Variants in ITGA1 observed in about 807,000 individuals in gnomAD.
ITGA1 encodes integrin subunit alpha 1.
In ITGA1, 85 loss-of-function variants were observed where a neutral mutation model predicts 145.9. That is an observed-to-expected ratio of 0.58 (90% CI 0.49 to 0.70). The LOEUF (loss-of-function observed/expected upper bound fraction) is 0.70, where lower values mean the gene tolerates loss of function less well. ITGA1 is among the 30% of genes least tolerant of loss of function. The pLI, the probability that ITGA1 is intolerant of heterozygous loss-of-function variation, is 0.00. For missense variants in ITGA1, 1,351 were observed against 1,418.7 expected (o/e 0.95, Z 0.77); for synonymous variants, 520 against 495.3 (o/e 1.05, Z -0.66).
chr5:52,949,154 C>G (rs7717360), intron 28 of ITGA1, among the ~76,000 whole-genome samples: 14,300 of 152,088 alleles, frequency 0.094, 841 homozygotes, highest in East Asian at 0.21. Flanking sequence ...GCCCAGCAAT[C>G]AGAACTGTGA....
intron 1 of ITGA1, chr5:52,824,869 A>G (rs1748936281): frequency 6.6e-6 from 1 of 152,226 alleles, no homozygotes; most frequent in Admixed American, 6.5e-5. Flanking sequence ...TCAAAATGAA[A>G]AGTTTAGTTT....
At chr5:52,911,166 A>G (rs1378213354) in intron 14 of ITGA1, among the ~76,000 whole-genome samples, 3 of 137,068 alleles carry the variant, frequency 2.2e-5, no homozygotes, top group African/African-American at 7.9e-5. Context: ...TAGTGTATAT[A>G]GAGTACATAT....
rs147871229 is a variant in ITGA1, at chr5:52,943,726, G to A, written c.3286-1217G>A. Reference sequence around the variant, plus strand: ...ATGCCCTACTCCAGTGCTGGCCCACGCTGGCCCACGAATCCATGTTTGTTA... The same window carrying A: ...ATGCCCTACTCCAGTGCTGGCCCACACTGGCCCACGAATCCATGTTTGTTA... On this transcript the variant is annotated intron_variant, in intron 26 of 28. Coordinates refer to ENST00000282588, the MANE Select transcript of ITGA1 (RefSeq NM_181501.2). Among the ~76,000 whole-genome samples the A allele has an allele frequency of 5.6e-4, 86 of 152,230 alleles. No homozygotes were observed. The East Asian group carries it at 0.014, about 25-fold the overall frequency.
rs1751312959 is a variant in ITGA1, at chr5:52,956,856, G to A, written c.*4405G>A. 1 of 152,210 alleles carries A rather than the reference G, an allele frequency of 6.6e-6. No individual in the cohort carries two copies. Among genetic ancestry groups the A allele is most frequent in the African/African-American group, 2.4e-5 (1 of 41,458 alleles). The allele number at this position is 152,210 out of a possible 1,614,324, so 9.4% of individuals were successfully genotyped here. ...GGCTTTTAAATGCAAACAGCTTCCA[G>A]GTGAGTCCTCTGGCTGCCAATCAGA... On this transcript the variant is annotated 3_prime_UTR_variant, in exon 29 of 29. Coordinates refer to ENST00000282588, the MANE Select transcript of ITGA1 (RefSeq NM_181501.2).
rs754039933 is a variant in ITGA1, at chr5:52,944,936, T to C, written c.3286-7T>C. The stretch of plus-strand genomic sequence containing the variant: ...TATATTAAGAACAAATCCTATTTGC[T>C]TTTCAGTCATATTTTTCCAGCTTAA... On this transcript the variant is annotated splice_polypyrimidine_tract_variant and splice_region_variant and intron_variant, in intron 26 of 28. Transcript: ENST00000282588. The C allele has an allele frequency of 5.0e-6, 8 of 1,593,376 alleles. No individual in the cohort carries two copies. In the East Asian group the frequency reaches 1.8e-4, roughly 36 times the overall value.
intron 14 of ITGA1, among the ~76,000 whole-genome samples, chr5:52,910,720 A>ATATAG (rs1340984510): frequency 2.7e-5 from 4 of 146,960 alleles, no homozygotes; most frequent in Non-Finnish European, 6.0e-5. Context: ...TATATGGTAT[A>ATATAG]TATAGTGTGT....
chr5:52,932,036 G>T lies in ITGA1; in HGVS notation c.2772-11G>T. ...TTAATGGTTTGTCTGAATGTGCCGT[G>T]TATTTTCTAGTGACAGCGAAGAACC... On this transcript the variant is annotated splice_polypyrimidine_tract_variant and intron_variant, in intron 21 of 28. Coordinates refer to ENST00000282588, the MANE Select transcript of ITGA1 (RefSeq NM_181501.2). 2.6e-6 allele frequency: 4 copies of T among 1,512,222 alleles called. No individual in the cohort carries two copies. Among genetic ancestry groups the T allele is most frequent in the Non-Finnish European group, 3.7e-6 (4 of 1,088,286 alleles). 93.7% of individuals were successfully genotyped at this position (1,512,222 alleles called of 1,614,324 possible). A position where few individuals can be genotyped will look rare whatever the true frequency, so the allele number is the denominator to read the frequency against.
chr5:52,860,619 AC>A (rs1749584059), intron 2 of ITGA1, among the ~76,000 whole-genome samples: 1 of 152,222 alleles, frequency 6.6e-6, no homozygotes, highest in Admixed American at 6.5e-5. Context: ...AAAATCTCAT[AC>A]TATGTAATTA....
intron 1 of ITGA1, among the ~76,000 whole-genome samples, chr5:52,790,324 A>C (rs1006194977): frequency 2.6e-5 from 4 of 151,862 alleles, no homozygotes; most frequent in African/African-American, 9.7e-5. Context: ...CTAATCCAAC[A>C]CCCTCTCTCT....
In ITGA1 at chr5:52,919,808, C is replaced by T. The variant is rs963069802; in HGVS notation, c.2156-524C>T. 1.3e-5 allele frequency among the ~76,000 whole-genome samples: 2 copies of T among 151,968 alleles called. 1 individual carries two copies. Among genetic ancestry groups the T allele is most frequent in the South Asian group, 4.1e-4 (2 of 4,822 alleles). ...TACAGTGTAAGATTTCATTTATTTT[C>T]TTTATTGTGGTATGCTTATTTTATT... On this transcript the variant is annotated intron_variant, in intron 16 of 28. Transcript: ENST00000282588.
At chr5:52,791,941 T>C (rs1024991480) in intron 1 of ITGA1, among the ~76,000 whole-genome samples, 1 of 152,196 alleles carries the variant, frequency 6.6e-6, no homozygotes, top group Non-Finnish European at 1.5e-5. Flanking sequence ...TAATATGCTA[T>C]ATTGGCTGCC....
intron 26 of ITGA1, among the ~76,000 whole-genome samples, chr5:52,943,912 C>T (rs940426242): frequency 5.3e-5 from 8 of 152,180 alleles, no homozygotes; most frequent in African/African-American, 1.9e-4. Flanking sequence ...AAAGTCCTCC[C>T]AGGTCACAGG....
intron 18 of ITGA1, among the ~76,000 whole-genome samples, chr5:52,923,815 C>T (rs755236145): frequency 1.2e-4 from 18 of 152,190 alleles, no homozygotes; most frequent in Non-Finnish European, 2.2e-4. Context: ...GGTGTCCTCA[C>T]GCTGAAGCAT....
rs1051125487 is a variant in ITGA1 at position 52,809,514 on chromosome 5, T to G, written c.61+21100T>G. On this transcript the variant is annotated intron_variant, in intron 1 of 28. Transcript: ENST00000282588. ...CCTCTCAACTTTACTTTTTTTTTTT[T>G]TTTTTTTGGAGACAAGAGTCTTGCT... Among the ~76,000 whole-genome samples, 10 of 150,732 alleles carry G rather than the reference T, an allele frequency of 6.6e-5. 1 individual carries two copies. In the South Asian group the frequency reaches 2.1e-3, roughly 32 times the overall value.
intron 2 of ITGA1, among the ~76,000 whole-genome samples, chr5:52,858,693 CG>C (rs1267089041): frequency 6.6e-6 from 1 of 152,026 alleles, no homozygotes; most frequent in African/African-American, 2.4e-5. Flanking sequence ...AAAAAATAAT[CG>C]TAACCTCATT....
intron 6 of ITGA1, among the ~76,000 whole-genome samples, chr5:52,875,387 T>C (rs1324269441): frequency 6.6e-6 from 1 of 152,196 alleles, no homozygotes; most frequent in Non-Finnish European, 1.5e-5. Context: ...TACAAACCTC[T>C]TGTTCATGTA....
intron 20 of ITGA1, 49 bp downstream of exon 20, chr5:52,927,713 T>G: frequency 9.8e-5 from 110 of 1,122,740 alleles, no homozygotes; most frequent in Middle Eastern, 2.0e-4. Context: ...TGAAAAGTAA[T>G]ATGTGCAAAG....
intron 6 of ITGA1, among the ~76,000 whole-genome samples, chr5:52,881,434 G>C (rs1404447458): frequency 6.6e-6 from 1 of 152,040 alleles, no homozygotes; most frequent in East Asian, 1.9e-4. Flanking sequence ...TTTCAGTCTG[G>C]CCTCTAGATT....
rs1749072334 is a variant in ITGA1 at position 52,831,639 on chromosome 5, T to C, written c.62-17726T>C. ...ATTTTTTCTTTTTTTTTTTTAACCT[T>C]AAAGATTAGTTAATTTAATTACATC... On this transcript the variant is annotated intron_variant, in intron 1 of 28. Transcript: ENST00000282588. Among the ~76,000 whole-genome samples the C allele has an allele frequency of 3.3e-5, 5 of 152,130 alleles. No homozygotes were observed. The South Asian group carries it at 1.0e-3, about 32-fold the overall frequency.
Sources: gnomAD v4.1 joint callset for allele counts (sites outside exome capture counted in the v4.1 genomes callset) on GRCh38, gnomAD v4.1.1 for gene constraint, MANE v1.5 for transcripts, NCBI Gene and HGNC (gene_info 2026-07-23, HGNC 2026-07-21) for gene names.